The following RCAN1 variants were observed in gnomAD, a reference collection of about 807,000 sequenced individuals.
The protein encoded by RCAN1 is regulator of calcineurin 1.
In RCAN1, 11 loss-of-function variants were observed where a neutral mutation model predicts 22.9. The observed-to-expected ratio is 0.48, with a 90% CI of 0.30 to 0.79. The LOEUF is 0.79. Among genes scored for constraint, RCAN1 ranks in the 30% least tolerant of loss-of-function variants. The pLI is 0.06. For synonymous variants in RCAN1, 136 were observed against 142.3 expected, an observed-to-expected ratio of 0.96 and a Z score of 0.32; for missense variants, 291 against 337.8, an observed-to-expected ratio of 0.86 and a Z score of 1.09.
intron 1 of RCAN1, among the ~76,000 whole-genome samples, chr21:34,596,516 C>T (rs1316725830): frequency 2.6e-5 from 4 of 152,108 alleles, no homozygotes; most frequent in East Asian, 3.9e-4. Context: ...CAGCTGAGGG[C>T]CTTCTCGAAG....
At chr21:34,563,766 AAAAAATATATAT>A (rs1986887507) in intron 1 of RCAN1, among the ~76,000 whole-genome samples, 3 of 93,446 alleles carry the variant, frequency 3.2e-5, no homozygotes, top group African/African-American at 1.5e-4. Context: ...AAAAAAAAAA[AAAAAATATATAT>A]ATATATATAT....
chr21:34,518,323 A>G lies in RCAN1; in HGVS notation c.587-67T>C. ...TTGGGAGTCAAAAGGCAAACATAAA[A>G]GAGCATTCAGGGCTCTGCTGGGCCA... On this transcript the variant is annotated intron_variant, in intron 3 of 3. Coordinates refer to ENST00000313806, the MANE Select transcript of RCAN1 (RefSeq NM_004414.7). The surrounding 1 kb of genome is among the most constrained non-coding windows in gnomAD (Gnocchi z 4.2). 6.5e-7 allele frequency: 1 copy of G among 1,546,498 alleles called. No individual in the cohort carries two copies.
chr21:34,607,168 G>A (rs190438273), intron 1 of RCAN1, among the ~76,000 whole-genome samples: 2 of 152,260 alleles, frequency 1.3e-5, no homozygotes, highest in East Asian at 1.9e-4. Context: ...TTAGCTTCCC[G>A]AGTTCTTTGT....
intron 1 of RCAN1, among the ~76,000 whole-genome samples, chr21:34,547,580 A>C (rs1256707702): frequency 6.6e-6 from 1 of 152,228 alleles, no homozygotes; most frequent in Non-Finnish European, 1.5e-5. Context: ...TTAGAAACTT[A>C]ATTGCCATTT....
At chr21:34,536,489 C>T (rs1315975982) in intron 1 of RCAN1, among the ~76,000 whole-genome samples, 5 of 152,194 alleles carry the variant, frequency 3.3e-5, no homozygotes, top group African/African-American at 4.8e-5. Flanking sequence ...GCTTTCACAA[C>T]CCCACGGCTG....
chr21:34,527,014 C>A, intron 1 of RCAN1: 1 of 1,241,150 alleles, frequency 8.1e-7, no homozygotes, highest in South Asian at 2.0e-5. Flanking sequence ...ACACCTTAGT[C>A]ATTTTCCCTA....
At position 34,521,490 on chromosome 21, in the gene RCAN1, C is replaced by A. The variant is rs780750049; in HGVS notation, c.586+9G>T. 6.2e-7 allele frequency: 1 copy of A among 1,614,172 alleles called. No individual in the cohort carries two copies. Among genetic ancestry groups the A allele is most frequent in the Non-Finnish European group, 8.5e-7 (1 of 1,180,044 alleles). On this transcript the variant is annotated intron_variant, in intron 3 of 3. Coordinates refer to ENST00000313806, the MANE Select transcript of RCAN1 (RefSeq NM_004414.7). ...CCCTGCCTCCCTCCCACCCGAGGGC[C>A]CTGCTCACCTGGCCCCAGCTTGGAG... is the stretch of plus-strand genomic sequence containing the variant.
intron 1 of RCAN1, among the ~76,000 whole-genome samples, chr21:34,568,318 T>C (rs1332166559): frequency 6.6e-6 from 1 of 152,196 alleles, no homozygotes; most frequent in African/African-American, 2.4e-5. Context: ...ATCTCCCCCC[T>C]GCCTCCCACA....
rs1292545461 is a variant in RCAN1, at chr21:34,518,306, C to A, written c.587-50G>T. ...GTCACTCAGACAAGTCCTTGGGAGT[C>A]AAAAGGCAAACATAAAAGAGCATTC... On this transcript the variant is annotated intron_variant, in intron 3 of 3. Transcript: ENST00000313806. This position sits in a 1 kb window ranked among gnomAD's most constrained non-coding sequence, Gnocchi z 4.2. 3.1e-6 allele frequency: 5 copies of A among 1,589,598 alleles called. No homozygotes were observed. The East Asian group carries it at 1.1e-4, about 36-fold the overall frequency.
At position 34,521,592 on chromosome 21, in the gene RCAN1, G is replaced by T; in HGVS notation, c.493C>A (p.Pro165Thr). The change falls in exon 3 of 4, where the codon CCC (proline) becomes ACC (threonine). Residue 165 changes from proline (P) to threonine (T), a missense_variant. Coordinates refer to ENST00000313806, the MANE Select transcript of RCAN1 (RefSeq NM_004414.7). Reference sequence around the variant, plus strand: ...TTCCATCCCACTGGCGGAGAGGCGGGAGGGGAGATCAGAAACTGCTTGTCT... The same window carrying T: ...TTCCATCCCACTGGCGGAGAGGCGGTAGGGGAGATCAGAAACTGCTTGTCT... Reference protein sequence around the residue: ...NPDKQFLISPPASPPVGWKQV... With the variant: ...NPDKQFLISPTASPPVGWKQV... 6.2e-7 allele frequency: 1 copy of T among 1,614,206 alleles called. No homozygotes were observed. Among genetic ancestry groups the T allele is most frequent in the Non-Finnish European group, 8.5e-7 (1 of 1,180,042 alleles).
In RCAN1 at chr21:34,614,814, G is replaced by A; in HGVS notation, c.198C>T (p.Ser66=). 1 of 1,490,634 alleles carries A rather than the reference G, an allele frequency of 6.7e-7. No individual in the cohort carries two copies. The highest frequency in any genetic ancestry group is 2.9e-5 in the East Asian group (1 of 34,250). 92.3% of individuals were successfully genotyped at this position (1,490,634 alleles called of 1,614,324 possible). ...GGTCCAGGTGACAGGCGATGGTGGC[G>A]CTGGGCAGGTCCTGCAGGTCCACCT... is the stretch of plus-strand genomic sequence containing the variant. ...MEEVDLQDLP[S]ATIACHLDPR... is the part of the protein sequence containing the mutation. The change falls in exon 1 of 4, where the codon AGC becomes AGT. Residue 66 remains serine, a synonymous_variant. Coordinates refer to ENST00000313806, the MANE Select transcript of RCAN1 (RefSeq NM_004414.7). The surrounding 1 kb of genome is among the most constrained non-coding windows in gnomAD (Gnocchi z 6.0).
chr21:34,582,666 C>T (rs116340374), intron 1 of RCAN1, among the ~76,000 whole-genome samples: 166 of 152,288 alleles, frequency 1.1e-3, no homozygotes, highest in African/African-American at 3.9e-3. Context: ...CTGGAGCCCG[C>T]GCTAAATGTG....
intron 1 of RCAN1, among the ~76,000 whole-genome samples, chr21:34,530,032 G>A (rs1247368600): frequency 6.6e-6 from 1 of 152,170 alleles, no homozygotes; most frequent in Non-Finnish European, 1.5e-5. Context: ...GGAACTGTAA[G>A]TCCAATTAAA....
chr21:34,567,411 C>T (rs1987064666), intron 1 of RCAN1, among the ~76,000 whole-genome samples: 1 of 151,980 alleles, frequency 6.6e-6, no homozygotes, highest in South Asian at 2.1e-4. Flanking sequence ...GAATGTACTA[C>T]ACAACACTGC....
At chr21:34,581,595 TA>T (rs1987610630) in intron 1 of RCAN1, among the ~76,000 whole-genome samples, 1 of 151,964 alleles carries the variant, frequency 6.6e-6, no homozygotes, top group African/African-American at 2.4e-5. Flanking sequence ...CAAGCAAGCC[TA>T]AAAGAAAAAC....
chr21:34,583,161 A>G (rs1486095826), intron 1 of RCAN1, among the ~76,000 whole-genome samples: 2 of 148,908 alleles, frequency 1.3e-5, no homozygotes, highest in African/African-American at 4.9e-5. Context: ...ACTGGACTAC[A>G]CAGTTGGCGA....
At chr21:34,520,466 G>C (rs2834503) in intron 3 of RCAN1, among the ~76,000 whole-genome samples, 67,221 of 152,038 alleles carry the variant, frequency 0.44, 15,652 homozygotes, top group East Asian at 0.72. Context: ...AGTAATGTGA[G>C]TCTTGCTTTA....
At chr21:34,564,868 T>C (rs1298887884) in intron 1 of RCAN1, among the ~76,000 whole-genome samples, 1 of 152,108 alleles carries the variant, frequency 6.6e-6, no homozygotes, top group Non-Finnish European at 1.5e-5. Context: ...TTAAAACCTT[T>C]AAATTTATCA....
In RCAN1 at chr21:34,518,368, T is replaced by C. The variant is rs558083916; in HGVS notation, c.587-112A>G. 2.2e-5 allele frequency: 25 copies of C among 1,143,854 alleles called. No individual in the cohort carries two copies. The African/African-American group carries it at 3.4e-4, about 16-fold the overall frequency. 70.9% of individuals were successfully genotyped at this position (1,143,854 alleles called of 1,614,324 possible). A position where few individuals can be genotyped will look rare whatever the true frequency, so the allele number is the denominator to read the frequency against. ...GGGCCAGCTGCTCGTGACCATTCGATTGGGCTGAGAGACACAGCCAGACAT... is the reference window on the plus strand; with the variant it reads ...GGGCCAGCTGCTCGTGACCATTCGACTGGGCTGAGAGACACAGCCAGACAT... On this transcript the variant is annotated intron_variant, in intron 3 of 3. Coordinates refer to ENST00000313806, the MANE Select transcript of RCAN1 (RefSeq NM_004414.7). The surrounding 1 kb of genome is among the most constrained non-coding windows in gnomAD (Gnocchi z 4.2).
Sources: allele counts gnomAD v4.1 joint callset (sites outside exome capture counted in the v4.1 genomes callset), GRCh38; gene constraint gnomAD v4.1.1; non-coding constraint Gnocchi (gnomAD v3.1); transcripts MANE v1.5; gene names NCBI Gene and HGNC (gene_info 2026-07-23, HGNC 2026-07-21).